Variants in ATP4A observed in about 807,000 individuals in gnomAD.
ATP4A encodes ATPase H+/K+ transporting subunit alpha, also known as potassium-transporting ATPase alpha chain 1.
Under a neutral mutation model 112.1 loss-of-function variants are expected in ATP4A, and 73 were observed. The ratio of observed to expected loss-of-function variants is 0.65; its 90% CI spans 0.54 to 0.79. The LOEUF (loss-of-function observed/expected upper bound fraction) is 0.79, where lower values mean the gene tolerates loss of function less well. Ranked by LOEUF, ATP4A falls within the 30% of genes least tolerant of loss-of-function variation. The pLI, the probability that ATP4A is intolerant of heterozygous loss-of-function variation, is 0.00. For synonymous variants in ATP4A, 588 were observed against 588.9 expected (o/e 1.00, Z 0.02); for missense variants, 1,081 against 1,425.9 (o/e 0.76, Z 3.90).
Position 35,555,881 on chromosome 19 carries a change from C to T in ATP4A, c.1870-69G>A. The T allele has an allele frequency of 2.0e-6, 3 of 1,530,652 alleles. No homozygotes were observed. The highest frequency in any genetic ancestry group is 2.6e-6 in the Non-Finnish European group (3 of 1,132,330). The allele number at this position is 1,530,652 out of a possible 1,614,324, so 94.8% of individuals were successfully genotyped here. On this transcript the variant is annotated intron_variant, in intron 12 of 21. Transcript: ENST00000262623. This position sits in a 1 kb window ranked among gnomAD's most constrained non-coding sequence, Gnocchi z 6.6. ...CAATCTCCCTGTCCTCCCTGGGAGA[C>T]ATCTGCTGATACACGTGTTCATTTA... is the stretch of plus-strand genomic sequence containing the variant.
Position 35,560,354 on chromosome 19 carries a change from T to C in ATP4A, c.787+9A>G. On this transcript the variant is annotated intron_variant, in intron 6 of 21. Transcript: ENST00000262623. The surrounding 1 kb of genome is among the most constrained non-coding windows in gnomAD (Gnocchi z 5.1). Reference sequence around the variant, plus strand: ...AGTTACTGGGCAGGCAGGCGGGGGCTTCACAGACCCTCAAGGCACATGGTG... The same window carrying C: ...AGTTACTGGGCAGGCAGGCGGGGGCCTCACAGACCCTCAAGGCACATGGTG... 1 of 1,612,306 alleles carries C rather than the reference T, an allele frequency of 6.2e-7. No homozygotes were observed. Among genetic ancestry groups the C allele is most frequent in the Non-Finnish European group, 8.5e-7 (1 of 1,179,040 alleles).
chr19:35,553,896 C>T, intron 16 of ATP4A, 67 bp from the exon 17 acceptor site: 2 of 1,517,090 alleles, frequency 1.3e-6, no homozygotes, highest in Middle Eastern at 2.2e-4. Flanking sequence ...CACTTCGGGT[C>T]CCCCTTCCCC....
In ATP4A at chr19:35,550,568, C is replaced by G. The variant is rs2071595483; in HGVS notation, c.*47G>C. ...TCCAGAGGGTCCCACGAGCCCTGCCCCCACCTGCTGTGGCAGTTGCAGGGA... is the reference window on the plus strand; with the variant it reads ...TCCAGAGGGTCCCACGAGCCCTGCCGCCACCTGCTGTGGCAGTTGCAGGGA... On this transcript the variant is annotated 3_prime_UTR_variant, in exon 22 of 22. Coordinates refer to ENST00000262623, the MANE Select transcript of ATP4A (RefSeq NM_000704.3). This position sits in a 1 kb window ranked among gnomAD's most constrained non-coding sequence, Gnocchi z 4.1. The G allele has an allele frequency of 6.2e-7, 1 of 1,611,664 alleles. No homozygotes were observed. The highest frequency in any genetic ancestry group is 2.2e-5 in the East Asian group (1 of 44,868).
intron 16 of ATP4A, 45 bp downstream of exon 16, chr19:35,554,877 G>A (rs774606141): frequency 9.3e-6 from 15 of 1,612,258 alleles, no homozygotes; most frequent in Admixed American, 1.7e-5. Context: ...GCAAGCAAGT[G>A]TCTCTGGGCA....
rs1324946075 is a variant in ATP4A at position 35,555,277 on chromosome 19, C to T, written c.2215G>A (p.Ala739Thr). The T allele has an allele frequency of 6.2e-7, 1 of 1,614,210 alleles. No homozygotes were observed. Among genetic ancestry groups the T allele is most frequent in the Non-Finnish European group, 8.5e-7 (1 of 1,180,036 alleles). Reference sequence around the variant, plus strand: ...ATGCCCATGGCTACTCCGATGTCTGCCTTCTTCAGAGCTGGGGAGTCATTC... The same window carrying T: ...ATGCCCATGGCTACTCCGATGTCTGTCTTCTTCAGAGCTGGGGAGTCATTC... ...GVNDSPALKK[A>T]DIGVAMGIAG... Residue 739 changes from alanine (A) to threonine (T), a missense_variant, in exon 15 of 22, where the codon GCA becomes ACA. Transcript: ENST00000262623. The surrounding 1 kb of genome is among the most constrained non-coding windows in gnomAD (Gnocchi z 6.6).
chr19:35,551,392 T>C lies in ATP4A; in HGVS notation c.2885+55A>G. 4 of 1,612,408 alleles carry C rather than the reference T, an allele frequency of 2.5e-6. No homozygotes were observed. The highest frequency in any genetic ancestry group is 3.4e-6 in the Non-Finnish European group (4 of 1,179,532). On this transcript the variant is annotated intron_variant, in intron 19 of 21. Transcript: ENST00000262623. This position sits in a 1 kb window ranked among gnomAD's most constrained non-coding sequence, Gnocchi z 5.2. ...GCTGTTCTAAACCACAGTCAGGATC[T>C]GATGGGAGTTGGGACCAGGGGTTGG...
In ATP4A at chr19:35,551,512, G is replaced by A; in HGVS notation, c.2820C>T (p.Cys940=). The A allele has an allele frequency of 2.5e-6, 4 of 1,614,088 alleles. No individual in the cohort carries two copies. Among genetic ancestry groups the A allele is most frequent in the Non-Finnish European group, 2.5e-6 (3 of 1,179,990 alleles). Residue 940 remains cysteine, a synonymous_variant, in exon 19 of 22, where the codon TGC becomes TGT. Coordinates refer to ENST00000262623, the MANE Select transcript of ATP4A (RefSeq NM_000704.3). This position sits in a 1 kb window ranked among gnomAD's most constrained non-coding sequence, Gnocchi z 5.2. ...YTVFFISIEV[C]QIADVLIRKT... ...TGCGGATGAGGACATCGGCGATCTG[G>A]CACACCTCAATGCTGATGAAGAACA...
rs3927814 is a variant in ATP4A, at chr19:35,557,136, C to T, written c.1694-48G>A. 1 of 1,600,690 alleles carries T rather than the reference C, an allele frequency of 6.2e-7. No individual in the cohort carries two copies. The highest frequency in any genetic ancestry group is 8.5e-7 in the Non-Finnish European group (1 of 1,170,672). On this transcript the variant is annotated intron_variant, in intron 11 of 21. Coordinates refer to ENST00000262623, the MANE Select transcript of ATP4A (RefSeq NM_000704.3). This position sits in a 1 kb window ranked among gnomAD's most constrained non-coding sequence, Gnocchi z 4.4. Reference sequence around the variant, plus strand: ...GGGAAGAGCCCTGGGCACACCCTTTCTTAGCAGGGCCAGGAAATGGGTAAA... The same window carrying T: ...GGGAAGAGCCCTGGGCACACCCTTTTTTAGCAGGGCCAGGAAATGGGTAAA...
rs779938801 is a variant in ATP4A at position 35,560,394 on chromosome 19, G to A, written c.756C>T (p.Asn252=). The A allele has an allele frequency of 3.1e-6, 5 of 1,614,062 alleles. No individual in the cohort carries two copies. The highest frequency in any genetic ancestry group is 4.2e-6 in the Non-Finnish European group (5 of 1,180,026). Residue 252 remains asparagine, a synonymous_variant, in exon 6 of 22, where the codon AAC becomes AAT. Transcript: ENST00000262623. The surrounding 1 kb of genome is among the most constrained non-coding windows in gnomAD (Gnocchi z 5.1). ...GGCACATGGTGGAGAAGAAGGCGATGTTGCGGGTCTCCAGAGGGCTCTCGT... is the reference window on the plus strand; with the variant it reads ...GGCACATGGTGGAGAAGAAGGCGATATTGCGGGTCTCCAGAGGGCTCTCGT... ...CTHESPLETR[N]IAFFSTMCLE...
Position 35,557,759 on chromosome 19 carries a change from C to T in ATP4A, c.1589G>A (p.Ser530Asn), listed in dbSNP as rs139397080. The T allele has an allele frequency of 3.3e-3, 5,252 of 1,593,374 alleles. 9 individuals are homozygous for T. Among genetic ancestry groups the T allele is most frequent in the Non-Finnish European group, 4.1e-3 (4,807 of 1,166,340 alleles). Residue 530 changes from serine to asparagine, a missense_variant, in exon 11 of 22, where the codon AGC (serine) becomes AAC (asparagine). Physicochemically the swap from Ser to Asn is conservative, Grantham distance 46. Transcript: ENST00000262623. This position sits in a 1 kb window ranked among gnomAD's most constrained non-coding sequence, Gnocchi z 4.4. The stretch of plus-strand genomic sequence containing the variant: ...CTCCTGGCCCTTGATAAGGATGGAG[C>T]TGCAGCGCTCCAGCACGCGCTCGGG... ...GAPERVLERC[S>N]SILIKGQELP...
chr19:35,558,756 C>T lies in ATP4A; in HGVS notation c.1256-70G>A. 6.8e-7 allele frequency: 1 copy of T among 1,465,844 alleles called. No individual in the cohort carries two copies. Among genetic ancestry groups the T allele is most frequent in the East Asian group, 2.4e-5 (1 of 40,944 alleles). The allele number at this position is 1,465,844 out of a possible 1,614,324, so 90.8% of individuals were successfully genotyped here. On this transcript the variant is annotated intron_variant, in intron 8 of 21. Transcript: ENST00000262623. The surrounding 1 kb of genome is among the most constrained non-coding windows in gnomAD (Gnocchi z 5.1). ...CGGACCAGAACCGAGCCCCCTCCTC[C>T]TAGGCTCATATCGCGGGCCCCCTCC... is the stretch of plus-strand genomic sequence containing the variant.
At chr19:35,552,322 A>G (rs574019456) in intron 18 of ATP4A, among the ~76,000 whole-genome samples, 1 of 152,314 alleles carries the variant, frequency 6.6e-6, no homozygotes, top group African/African-American at 2.4e-5. Context: ...GAGGTAAATC[A>G]GTGGTGCTGG....
rs1242363389 is a variant in ATP4A, at chr19:35,557,396, G to T, written c.1693+259C>A. On this transcript the variant is annotated intron_variant, in intron 11 of 21. Transcript: ENST00000262623. This position sits in a 1 kb window ranked among gnomAD's most constrained non-coding sequence, Gnocchi z 4.4. ...TAGGGTAGAGGCAGCGAAGTTTAAG[G>T]CGTCAGGACAAAAATTGGGAGAGGT... 6.6e-6 allele frequency among the ~76,000 whole-genome samples: 1 copy of T among 152,180 alleles called. No homozygotes were observed. Among genetic ancestry groups the T allele is most frequent in the Non-Finnish European group, 1.5e-5 (1 of 68,030 alleles).
In ATP4A at chr19:35,560,428, T is replaced by G; in HGVS notation, c.722A>C (p.Glu241Ala). 1.9e-6 allele frequency: 3 copies of G among 1,613,932 alleles called. No homozygotes were observed. The highest frequency in any genetic ancestry group is 2.5e-6 in the Non-Finnish European group (3 of 1,179,988). Residue 241 changes from glutamate (E) to alanine (A), a missense_variant, in exon 6 of 22, where the codon GAG becomes GCG. This residue lies in a region of ATP4A where 850 missense variants were observed against 1,068.2 expected (regional missense o/e 0.80). Transcript: ENST00000262623. This position sits in a 1 kb window ranked among gnomAD's most constrained non-coding sequence, Gnocchi z 5.1. The stretch of plus-strand genomic sequence containing the variant: ...CTCCAGAGGGCTCTCGTGCGTGCAC[T>G]CGGGTGAGCGGGTCTGTGGCTCAGA... ...GESEPQTRSPECTHESPLETR... is the reference protein window; with the variant it reads ...GESEPQTRSPACTHESPLETR...
rs2071665414 is a variant in ATP4A, at chr19:35,560,680, G to A, written c.535-65C>T. ...GGGGGTGGGAGCTGCTGCATGTGGG[G>A]AGGTAAAGGATGAGGAGAGCTGGGA... On this transcript the variant is annotated intron_variant, in intron 5 of 21. Coordinates refer to ENST00000262623, the MANE Select transcript of ATP4A (RefSeq NM_000704.3). This position sits in a 1 kb window ranked among gnomAD's most constrained non-coding sequence, Gnocchi z 5.1. 6.3e-7 allele frequency: 1 copy of A among 1,590,108 alleles called. No homozygotes were observed. Among genetic ancestry groups the A allele is most frequent in the Admixed American group, 1.7e-5 (1 of 59,182 alleles).
intron 4 of ATP4A, among the ~76,000 whole-genome samples, chr19:35,561,426 C>T (rs1245957830): frequency 2.0e-5 from 3 of 152,112 alleles, no homozygotes; most frequent in African/African-American, 7.2e-5. Flanking sequence ...CTCACATCCC[C>T]GTCCCTGCGT....
chr19:35,561,481 C>T (rs1387156525), intron 4 of ATP4A, among the ~76,000 whole-genome samples: 2 of 152,210 alleles, frequency 1.3e-5, no homozygotes, highest in Non-Finnish European at 2.9e-5. Flanking sequence ...TCTGTGGCCA[C>T]GGCCCCCATG....
At chr19:35,561,035 T>A in intron 4 of ATP4A, 103 bp from the exon 5 acceptor site, 1 of 936,476 alleles carries the variant, frequency 1.1e-6, no homozygotes, top group East Asian at 2.5e-5. Flanking sequence ...GTTTTCCCCA[T>A]GCTTTTCCCC....
At chr19:35,552,989 C>T in intron 18 of ATP4A, 48 bp downstream of exon 18, 1 of 1,536,676 alleles carries the variant, frequency 6.5e-7, no homozygotes, top group Non-Finnish European at 8.8e-7. Context: ...GCAAGTTGCC[C>T]TGGGAAGGAG....
Sources: gnomAD v4.1 joint callset for allele counts (sites outside exome capture counted in the v4.1 genomes callset) on GRCh38, gnomAD v4.1.1 for gene constraint, gnomAD v4.1.1 regional missense constraint, Gnocchi (gnomAD v3.1) non-coding constraint, MANE v1.5 for transcripts, NCBI Gene and HGNC (gene_info 2026-07-23, HGNC 2026-07-21) for gene names.